SOCS5: variants seen among roughly 807,000 people sequenced by gnomAD.
SOCS5 encodes the protein CIS-6.
In SOCS5, 32 loss-of-function variants were observed where a neutral mutation model predicts 42.8. That is an observed-to-expected ratio of 0.75 (90% CI 0.56 to 1.01). SOCS5 has a LOEUF of 1.01. Ranked by LOEUF, SOCS5 falls within the 50% of genes least tolerant of loss-of-function variation. The pLI, the probability that SOCS5 is intolerant of heterozygous loss-of-function variation, is 0.00. For missense variants in SOCS5, 627 were observed against 653.0 expected (o/e 0.96, Z 0.43); for synonymous variants, 283 against 229.6 (o/e 1.23, Z -2.10).
intron 1 of SOCS5, among the ~76,000 whole-genome samples, chr2:46,732,556 C>A (rs577934959): frequency 6.6e-6 from 1 of 152,196 alleles, no homozygotes; most frequent in African/African-American, 2.4e-5. Flanking sequence ...CATCATGGCC[C>A]AATGTGCCAC....
At chr2:46,733,175 A>G (rs1348727452) in intron 1 of SOCS5, among the ~76,000 whole-genome samples, 1 of 151,900 alleles carries the variant, frequency 6.6e-6, no homozygotes, top group Non-Finnish European at 1.5e-5. Flanking sequence ...GCTCACTGCC[A>G]TCTCCGCCTC....
chr2:46,718,783 T>C (rs1293482964), intron 1 of SOCS5, among the ~76,000 whole-genome samples: 2 of 152,186 alleles, frequency 1.3e-5, no homozygotes, highest in Admixed American at 1.3e-4. Context: ...TATCAATAAT[T>C]GTGTGCTCCA....
chr2:46,757,793 G>A (rs906951846), intron 1 of SOCS5, among the ~76,000 whole-genome samples: 1 of 152,130 alleles, frequency 6.6e-6, no homozygotes, highest in Admixed American at 6.5e-5. Flanking sequence ...TTGAACCTGG[G>A]ATGTGGAGGT....
intron 1 of SOCS5, among the ~76,000 whole-genome samples, chr2:46,711,571 C>A (rs765532545): frequency 6.6e-6 from 1 of 152,162 alleles, no homozygotes; most frequent in African/African-American, 2.4e-5. Flanking sequence ...TGTGGCTTGA[C>A]TGTTCATTGT....
At chr2:46,708,997 C>T (rs1672556092) in intron 1 of SOCS5, among the ~76,000 whole-genome samples, 1 of 150,838 alleles carries the variant, frequency 6.6e-6, no homozygotes, top group Non-Finnish European at 1.5e-5. Flanking sequence ...ACAGATTCTC[C>T]TGCCTCAGCC....
At chr2:46,716,104 AC>A (rs914245517) in intron 1 of SOCS5, among the ~76,000 whole-genome samples, 1 of 85,550 alleles carries the variant, frequency 1.2e-5, no homozygotes, top group African/African-American at 5.8e-5. Context: ...CATGTCAGAC[AC>A]CCCCCCTTTT....
chr2:46,746,480 T>C lies in SOCS5; in HGVS notation c.-12-12039T>C, dbSNP rs548851509. On this transcript the variant is annotated intron_variant, in intron 1 of 1. Transcript: ENST00000394861. ...TCCTGGCTAACACGGTGAAAACCCG[T>C]CTCTAGTAAAAATACAAAAAATTAG... is the stretch of plus-strand genomic sequence containing the variant. 3.9e-5 allele frequency among the ~76,000 whole-genome samples: 6 copies of C among 152,018 alleles called. No homozygotes were observed. The South Asian group carries it at 1.2e-3, about 32-fold the overall frequency.
chr2:46,749,799 A>T (rs1361929958), intron 1 of SOCS5, among the ~76,000 whole-genome samples: 2 of 152,172 alleles, frequency 1.3e-5, no homozygotes, highest in Non-Finnish European at 2.9e-5. Context: ...GTTTCTTAGG[A>T]TATAATATGG....
chr2:46,711,742 A>T (rs1414989115), intron 1 of SOCS5, among the ~76,000 whole-genome samples: 1 of 152,184 alleles, frequency 6.6e-6, no homozygotes, highest in East Asian at 1.9e-4. Context: ...CTTTATGGTG[A>T]TAATTTTTGT....
intron 1 of SOCS5, among the ~76,000 whole-genome samples, chr2:46,704,807 C>A (rs764822223): frequency 2.0e-5 from 3 of 152,124 alleles, no homozygotes; most frequent in Non-Finnish European, 4.4e-5. Flanking sequence ...TCAAACACAC[C>A]TGGGCATATG....
At chr2:46,758,001 T>C (rs916836604) in intron 1 of SOCS5, among the ~76,000 whole-genome samples, 6 of 152,240 alleles carry the variant, frequency 3.9e-5, no homozygotes, top group Non-Finnish European at 7.3e-5. Flanking sequence ...TATGGGTTTT[T>C]TATAAGTGAT....
chr2:46,755,853 G>A (rs1221050368), intron 1 of SOCS5, among the ~76,000 whole-genome samples: 1 of 152,150 alleles, frequency 6.6e-6, no homozygotes, highest in African/African-American at 2.4e-5. Flanking sequence ...CTTCCTGATT[G>A]TTATGTCGAC....
intron 1 of SOCS5, among the ~76,000 whole-genome samples, chr2:46,712,738 T>A (rs1421981542): frequency 1.3e-5 from 2 of 152,228 alleles, no homozygotes; most frequent in Non-Finnish European, 2.9e-5. Context: ...TTGATTGGTA[T>A]TTGATTATTA....
At chr2:46,730,849 T>C (rs1015504360) in intron 1 of SOCS5, among the ~76,000 whole-genome samples, 54 of 152,170 alleles carry the variant, frequency 3.5e-4, no homozygotes, top group Non-Finnish European at 2.1e-4. Context: ...TATTCAGATA[T>C]GAAGGTTAAT....
intron 1 of SOCS5, among the ~76,000 whole-genome samples, chr2:46,746,520 G>A (rs1312979238): frequency 1.3e-5 from 2 of 151,856 alleles, no homozygotes; most frequent in Admixed American, 6.6e-5. Context: ...GCGTGGTGGC[G>A]GACATCTGTA....
intron 1 of SOCS5, among the ~76,000 whole-genome samples, chr2:46,746,261 T>A (rs7584870): frequency 0.38 from 57,502 of 151,930 alleles, 11,411 homozygotes; most frequent in African/African-American, 0.42. Flanking sequence ...ACATTCTTAT[T>A]ATTCACCACT....
intron 1 of SOCS5, among the ~76,000 whole-genome samples, chr2:46,747,959 A>T (rs1057016914): frequency 6.6e-6 from 1 of 152,190 alleles, no homozygotes; most frequent in Non-Finnish European, 1.5e-5. Flanking sequence ...TGATTGTCCT[A>T]TTTCTAAAAA....
chr2:46,700,685 C>T (rs1433874833), intron 1 of SOCS5, among the ~76,000 whole-genome samples: 1 of 152,078 alleles, frequency 6.6e-6, no homozygotes, highest in Non-Finnish European at 1.5e-5. Context: ...ATCTTAATGT[C>T]AGTTGTTTAG....
At chr2:46,734,229 T>G (rs1673191992) in intron 1 of SOCS5, among the ~76,000 whole-genome samples, 1 of 152,148 alleles carries the variant, frequency 6.6e-6, no homozygotes, top group African/African-American at 2.4e-5. Flanking sequence ...ACAAAAATAT[T>G]ATACAGTCAT....
Sources: gnomAD v4.1 joint callset for allele counts (sites outside exome capture counted in the v4.1 genomes callset) on GRCh38, gnomAD v4.1.1 for gene constraint, MANE v1.5 for transcripts, NCBI Gene and HGNC (gene_info 2026-07-23, HGNC 2026-07-21) for gene names.